GPHN: variants seen among roughly 807,000 people sequenced by gnomAD.
GPHN encodes the protein gephyrin.
Under a neutral mutation model 95.5 loss-of-function variants are expected in GPHN, and 17 were observed. The ratio of observed to expected loss-of-function variants is 0.18; its 90% CI spans 0.12 to 0.27. GPHN has a LOEUF of 0.27. GPHN is among the 10% of genes least tolerant of loss of function. GPHN has a pLI of 1.00. For missense variants in GPHN, 660 were observed against 978.1 expected (o/e 0.67, Z 4.34); for synonymous variants, 320 against 322.5 (o/e 0.99, Z 0.08).
intron 2 of GPHN, among the ~76,000 whole-genome samples, chr14:66,731,798 G>A (rs907192055): frequency 6.6e-6 from 1 of 152,184 alleles, no homozygotes; most frequent in Non-Finnish European, 1.5e-5. Flanking sequence ...AGGCCCAGTG[G>A]CCTAGGAAGA....
At chr14:67,086,172 C>T (rs1352377268) in intron 11 of GPHN, among the ~76,000 whole-genome samples, 2 of 152,148 alleles carry the variant, frequency 1.3e-5, no homozygotes, top group Non-Finnish European at 2.9e-5. Context: ...TATGGGTGTA[C>T]AGATACGTGT....
downstream of GPHN, among the ~76,000 whole-genome samples, chr14:67,182,417 G>T (rs7161087): frequency 6.6e-6 from 1 of 152,046 alleles, no homozygotes; most frequent in Non-Finnish European, 1.5e-5. Context: ...TGGCCTACTA[G>T]TAAACAAAAT....
intron 9 of GPHN, among the ~76,000 whole-genome samples, chr14:66,974,097 ATGTT>A (rs1179609162): frequency 1.3e-5 from 2 of 152,102 alleles, no homozygotes; most frequent in African/African-American, 2.4e-5. Context: ...CCCTTATAAC[ATGTT>A]TGTTTGGGGA....
At chr14:66,527,711 A>T (rs1437544499) in intron 1 of GPHN, among the ~76,000 whole-genome samples, 1 of 152,034 alleles carries the variant, frequency 6.6e-6, no homozygotes, top group East Asian at 1.9e-4. Flanking sequence ...TTTCTGCCTT[A>T]ATTTCATTAT....
chr14:67,681,030 A>G, the GPHN span, among the ~76,000 whole-genome samples: 3 of 152,230 alleles, frequency 2.0e-5, no homozygotes, highest in Non-Finnish European at 2.9e-5. Flanking sequence ...CCCAAAATTA[A>G]TATGTTGAAT....
At chr14:66,700,919 T>TAA (rs34677303) in intron 2 of GPHN, among the ~76,000 whole-genome samples, 32 of 147,904 alleles carry the variant, frequency 2.2e-4, no homozygotes, top group South Asian at 6.4e-4. Flanking sequence ...AGACACCATC[T>TAA]AAAAAAAAAA....
At position 66,898,466 on chromosome 14, in the gene GPHN, T is replaced by TAAAAAAAAAA. The variant is rs59434196; in HGVS notation, c.390-17521_390-17512dup. Among the ~76,000 whole-genome samples, 7 of 91,752 alleles carry TAAAAAAAAAA rather than the reference T, an allele frequency of 7.6e-5. No homozygotes were observed. In the South Asian group the frequency reaches 1.4e-3, roughly 19 times the overall value. The allele number at this position is 91,752 out of a possible 152,430, so 60.2% of individuals were successfully genotyped here. A position where few individuals can be genotyped will look rare whatever the true frequency, so the allele number is the denominator to read the frequency against. ...ACCACTTGCTCCAGTGCTACTTGTT[T>TAAAAAAAAAA]AAAAAAAAAAAAAAAAAAAAAAAAA... On this transcript the variant is annotated intron_variant, in intron 5 of 22. Coordinates refer to ENST00000478722, the MANE Select transcript of GPHN (RefSeq NM_020806.5).
At chr14:67,327,664 A>G in the GPHN span, among the ~76,000 whole-genome samples, 1,124 of 150,264 alleles carry the variant, frequency 7.5e-3, 26 homozygotes, top group African/African-American at 0.025. Context: ...AACAGGCCCC[A>G]GTGTGTGATG....
chr14:67,430,726 A>C, the GPHN span, among the ~76,000 whole-genome samples: 1 of 152,064 alleles, frequency 6.6e-6, no homozygotes, highest in African/African-American at 2.4e-5. Context: ...TGACTTGATG[A>C]AAGGCCCAGA....
chr14:67,040,612 T>C (rs1405008875), intron 10 of GPHN, among the ~76,000 whole-genome samples: 1 of 152,236 alleles, frequency 6.6e-6, no homozygotes, highest in Admixed American at 6.5e-5. Context: ...ATCCTGTCTC[T>C]GTAGACTCCT....
At chr14:67,470,415 C>T in the GPHN span, 4 of 152,252 alleles carry the variant, frequency 2.6e-5, no homozygotes, top group African/African-American at 4.8e-5. Flanking sequence ...CAGTCCCACC[C>T]ACCTCAAAGG....
At chr14:67,379,192 T>C in the GPHN span, among the ~76,000 whole-genome samples, 1 of 152,216 alleles carries the variant, frequency 6.6e-6, no homozygotes, top group Non-Finnish European at 1.5e-5. Flanking sequence ...TCTCTATATG[T>C]AGTTGTTTGA....
chr14:66,571,944 T>A (rs1161116865), intron 1 of GPHN, among the ~76,000 whole-genome samples: 1 of 152,260 alleles, frequency 6.6e-6, no homozygotes, highest in Non-Finnish European at 1.5e-5. Flanking sequence ...TTGAGTTGAT[T>A]TGTATATGAC....
the GPHN span, among the ~76,000 whole-genome samples, chr14:67,576,658 C>T: frequency 6.6e-6 from 1 of 152,212 alleles, no homozygotes; most frequent in African/African-American, 2.4e-5. This position sits in a 1 kb window ranked among gnomAD's most constrained non-coding sequence, Gnocchi z 4.0. Flanking sequence ...CAGGGCCCCT[C>T]TGTCTCCGGC....
At chr14:66,912,301 A>G (rs1328648517) in intron 5 of GPHN, among the ~76,000 whole-genome samples, 1 of 151,980 alleles carries the variant, frequency 6.6e-6, no homozygotes, top group Non-Finnish European at 1.5e-5. Flanking sequence ...TGTAACAACT[A>G]CCAGTTCTTC....
At chr14:66,508,925 C>A (rs561312045) in intron 1 of GPHN, 8 of 380,870 alleles carry the variant, frequency 2.1e-5, no homozygotes, top group South Asian at 1.8e-4. Context: ...GGGATCCCGG[C>A]TCCGCAGTCT....
chr14:67,178,271 C>T (rs2083124186), intron 21 of GPHN, among the ~76,000 whole-genome samples: 1 of 152,154 alleles, frequency 6.6e-6, no homozygotes, highest in South Asian at 2.1e-4. Flanking sequence ...TGACAAGGCT[C>T]CCAGCATTTG....
the GPHN span, chr14:67,615,685 A>G: frequency 5.4e-5 from 27 of 503,240 alleles, no homozygotes; most frequent in Admixed American, 2.0e-4. Context: ...AAGGGCAGAC[A>G]AGGCCCGTTA....
the GPHN span, chr14:67,592,720 T>C: frequency 1.3e-6 from 2 of 1,570,540 alleles, no homozygotes; most frequent in African/African-American, 1.3e-5. Flanking sequence ...CACCTTCTGC[T>C]GTAAGAAAAT....
Sources: allele counts gnomAD v4.1 joint callset (sites outside exome capture counted in the v4.1 genomes callset), GRCh38; gene constraint gnomAD v4.1.1; non-coding constraint Gnocchi (gnomAD v3.1); transcripts MANE v1.5; gene names NCBI Gene and HGNC (gene_info 2026-07-23, HGNC 2026-07-21).